The following PI4KA variants were observed in gnomAD, a reference collection of about 807,000 sequenced individuals.
PI4KA encodes PI4-kinase alpha.
A neutral mutation model predicts 271.4 loss-of-function variants in PI4KA; 122 were observed. That is an observed-to-expected ratio of 0.45 (90% confidence interval 0.39 to 0.52). The LOEUF (loss-of-function observed/expected upper bound fraction) is 0.52, where lower values mean the gene tolerates loss of function less well. PI4KA is among the 20% of genes least tolerant of loss of function. The probability of loss-of-function intolerance (pLI) is 0.00; values close to 1 mark genes in which losing one functional copy is unlikely to be tolerated. For missense variants in PI4KA, 1,969 were observed against 2,769.1 expected, an observed-to-expected ratio of 0.71 and a Z score of 6.48; for synonymous variants, 1,041 against 1,078.8, an observed-to-expected ratio of 0.96 and a Z score of 0.69.
At chr22:20,796,974 G>A (rs1406554278) in intron 17 of PI4KA, among the ~76,000 whole-genome samples, 1 of 152,148 alleles carries the variant, frequency 6.6e-6, no homozygotes, top group Non-Finnish European at 1.5e-5. Context: ...TGTCCAAGCG[G>A]CACGACCCTG....
intron 30 of PI4KA, among the ~76,000 whole-genome samples, chr22:20,743,400 TC>T (rs1217080506): frequency 1.3e-5 from 2 of 152,094 alleles, no homozygotes; most frequent in Non-Finnish European, 2.9e-5. Flanking sequence ...CACCTTGGCC[TC>T]CCTAAGTGCT....
At chr22:20,842,892 C>T (rs1400080168) in intron 1 of PI4KA, among the ~76,000 whole-genome samples, 25 of 150,948 alleles carry the variant, frequency 1.7e-4, no homozygotes, top group Non-Finnish European at 2.8e-4. Context: ...GGGCGGATCA[C>T]GAGATCAGGA....
chr22:20,765,367 C>T, intron 20 of PI4KA, 131 bp from the exon 21 acceptor site: 1 of 1,011,750 alleles, frequency 9.9e-7, no homozygotes, highest in Non-Finnish European at 1.5e-6. Context: ...GAAACGAAGT[C>T]TGTTACCTGA....
At chr22:20,807,554 G>T in intron 9 of PI4KA, 96 bp from the exon 10 acceptor site, 3 of 684,850 alleles carry the variant, frequency 4.4e-6, no homozygotes, top group South Asian at 3.3e-5. Context: ...GGTGATTCGT[G>T]ACTTAGCATT....
At chr22:20,830,168 G>A in intron 3 of PI4KA, among the ~76,000 whole-genome samples, 1 of 152,138 alleles carries the variant, frequency 6.6e-6, no homozygotes, top group East Asian at 1.9e-4. Flanking sequence ...GTCAAGTGTC[G>A]AGTTTAAATC....
chr22:20,804,247 G>T, intron 12 of PI4KA, 53 bp downstream of exon 12: 1 of 1,187,132 alleles, frequency 8.4e-7, no homozygotes, highest in East Asian at 2.3e-5. Flanking sequence ...AGCGTGACAA[G>T]AGGGAGGCCC....
chr22:20,805,256 C>T, intron 10 of PI4KA, 91 bp from the exon 11 acceptor site: 1 of 884,688 alleles, frequency 1.1e-6, no homozygotes, highest in South Asian at 1.7e-5. Context: ...CCCCTTTTAA[C>T]AAAAACCCCA....
chr22:20,715,416 G>A (rs569153779), intron 45 of PI4KA, among the ~76,000 whole-genome samples: 1 of 151,934 alleles, frequency 6.6e-6, no homozygotes, highest in Non-Finnish European at 1.5e-5. Flanking sequence ...TTACTTAAAT[G>A]TCACTATGTC....
Position 20,802,022 on chromosome 22 carries a change from G to A in PI4KA, c.1675C>T (p.Pro559Ser), listed in dbSNP as rs1371853587. Residue 559 changes from proline (P) to serine (S), a missense_variant, in exon 14 of 55, where the codon CCC becomes TCC. Pro to Ser is a moderately conservative substitution (Grantham distance 74). Coordinates refer to ENST00000255882, the MANE Select transcript of PI4KA (RefSeq NM_058004.4). The stretch of plus-strand genomic sequence containing the variant: ...TCTCGGAGCTGCTCGTACATGGAGG[G>A]CTGGCTCTTCTTACCCGACATGACG... ...LNVMSGKKSQ[P>S]SMYEQLRDIA... is the part of the protein sequence containing the mutation. The A allele has an allele frequency of 1.2e-6, 2 of 1,614,128 alleles. No homozygotes were observed. The highest frequency in any genetic ancestry group is 1.7e-6 in the Non-Finnish European group (2 of 1,179,990).
At position 20,726,555 on chromosome 22, in the gene PI4KA, G is replaced by A. The variant is rs369393500; in HGVS notation, c.4942-14C>T. 3.2e-6 allele frequency: 5 copies of A among 1,583,864 alleles called. No individual in the cohort carries two copies. The African/African-American group carries it at 5.5e-5, about 17-fold the overall frequency. ...GAGGATGGCGTCCTGTGGAGGTGGAGCAGAGTTGGCCATGACTTCTGAGAG... is the reference window on the plus strand; with the variant it reads ...GAGGATGGCGTCCTGTGGAGGTGGAACAGAGTTGGCCATGACTTCTGAGAG... On this transcript the variant is annotated splice_polypyrimidine_tract_variant and intron_variant, in intron 41 of 54. Transcript: ENST00000255882.
chr22:20,775,536 A>C (rs1043035664), intron 19 of PI4KA, among the ~76,000 whole-genome samples: 2 of 152,188 alleles, frequency 1.3e-5, no homozygotes, highest in Non-Finnish European at 2.9e-5. Context: ...CTGCCACTCT[A>C]TCTGGCCTCA....
chr22:20,798,959 T>C, intron 16 of PI4KA, 134 bp downstream of exon 16: 1 of 713,550 alleles, frequency 1.4e-6, no homozygotes, highest in Non-Finnish European at 2.3e-6. Flanking sequence ...TTCTTACTAC[T>C]CCGCATTAAA....
intron 45 of PI4KA, 52 bp downstream of exon 45, chr22:20,717,656 C>A (rs1430532821): frequency 7.1e-7 from 1 of 1,413,480 alleles, no homozygotes; most frequent in Non-Finnish European, 9.8e-7. Flanking sequence ...CACGCCCCGC[C>A]GCCCGCCTGC....
At chr22:20,779,671 A>G (rs776191565) in intron 19 of PI4KA, 1 of 1,614,122 alleles carries the variant, frequency 6.2e-7, no homozygotes, top group Admixed American at 1.7e-5. Flanking sequence ...TTTCATGGCA[A>G]GAGCCGGATC....
intron 7 of PI4KA, among the ~76,000 whole-genome samples, chr22:20,814,203 A>G (rs1921435062): frequency 6.6e-6 from 1 of 152,224 alleles, no homozygotes; most frequent in Admixed American, 6.5e-5. Flanking sequence ...CACTACTAGA[A>G]GTTTCAAAGT....
intron 19 of PI4KA, among the ~76,000 whole-genome samples, chr22:20,771,717 G>T (rs1569013423): frequency 6.6e-6 from 1 of 152,018 alleles, no homozygotes; most frequent in East Asian, 2.0e-4. Context: ...GAGTAGCTGG[G>T]ACTACAGATG....
rs1337348609 is a variant in PI4KA, at chr22:20,733,803, C to T, written c.4093G>A (p.Val1365Ile). 1 of 1,612,544 alleles carries T rather than the reference C, an allele frequency of 6.2e-7. No homozygotes were observed. The highest frequency in any genetic ancestry group is 8.5e-7 in the Non-Finnish European group (1 of 1,179,818). ...ACATTGCGGATGGTTGCATTTGGAA[C>T]CACATCGGCATGCAGGAGGGACAGC... ...LGLSLLHADV[V>I]PNATIRNVLR... The change falls in exon 35 of 55, where the codon GTT (valine) becomes ATT (isoleucine). Residue 1365 changes from valine (V) to isoleucine (I), a missense_variant. Val to Ile is a conservative substitution (Grantham distance 29). Coordinates refer to ENST00000255882, the MANE Select transcript of PI4KA (RefSeq NM_058004.4).
intron 19 of PI4KA, among the ~76,000 whole-genome samples, chr22:20,783,435 T>TA (rs362069): frequency 3.6e-4 from 49 of 136,096 alleles, no homozygotes; most frequent in African/African-American, 6.4e-4. Flanking sequence ...CATCTACAAT[T>TA]AAAAAAAAAA....
intron 23 of PI4KA, among the ~76,000 whole-genome samples, chr22:20,757,605 G>A (rs1257466135): frequency 1.3e-5 from 2 of 151,806 alleles, no homozygotes; most frequent in African/African-American, 2.4e-5. Flanking sequence ...AGTGTGTGGT[G>A]TGATCTCAGC....
Sources: allele counts gnomAD v4.1 joint callset (sites outside exome capture counted in the v4.1 genomes callset), GRCh38; gene constraint gnomAD v4.1.1; transcripts MANE v1.5; gene names NCBI Gene and HGNC (gene_info 2026-07-23, HGNC 2026-07-21).